Variants in GRB14 observed in about 807,000 individuals in gnomAD.
GRB14 encodes the protein growth factor receptor bound protein 14.
In GRB14, 38 loss-of-function variants were observed where a neutral mutation model predicts 69.1. The ratio of observed to expected loss-of-function variants is 0.55; its 90% CI spans 0.42 to 0.72. The LOEUF (loss-of-function observed/expected upper bound fraction) is 0.72, where lower values mean the gene tolerates loss of function less well. Among genes scored for constraint, GRB14 ranks in the 30% least tolerant of loss-of-function variants. The pLI, the probability that GRB14 is intolerant of heterozygous loss-of-function variation, is 0.00. For synonymous variants in GRB14, 247 were observed against 241.3 expected, an observed-to-expected ratio of 1.02 and a Z score of -0.22; for missense variants, 666 against 666.1, an observed-to-expected ratio of 1.00 and a Z score of 0.00.
At chr2:164,598,001 G>A (rs922653912) in intron 2 of GRB14, among the ~76,000 whole-genome samples, 1 of 151,846 alleles carries the variant, frequency 6.6e-6, no homozygotes, top group Non-Finnish European at 1.5e-5. Flanking sequence ...AAGAAGTCCT[G>A]AACCATGCTG....
At chr2:164,583,822 A>G (rs1349089102) in intron 2 of GRB14, among the ~76,000 whole-genome samples, 2 of 152,172 alleles carry the variant, frequency 1.3e-5, no homozygotes, top group African/African-American at 4.8e-5. Flanking sequence ...TTCTGACTGT[A>G]AACATTGCGG....
chr2:164,540,434 C>T (rs1255266972), intron 3 of GRB14, among the ~76,000 whole-genome samples: 4 of 152,002 alleles, frequency 2.6e-5, no homozygotes, highest in Non-Finnish European at 5.9e-5. Context: ...GATAGTGAAA[C>T]CCTGTCTCTA....
intron 3 of GRB14, among the ~76,000 whole-genome samples, chr2:164,541,554 G>A (rs1403855858): frequency 6.6e-6 from 1 of 151,624 alleles, no homozygotes; most frequent in Non-Finnish European, 1.5e-5. Flanking sequence ...ATCTGAGGCT[G>A]CAGTGAGCCA....
chr2:164,587,819 A>G (rs1470944371), intron 2 of GRB14, among the ~76,000 whole-genome samples: 1 of 152,198 alleles, frequency 6.6e-6, no homozygotes, highest in East Asian at 1.9e-4. Flanking sequence ...AGAAAAGTGC[A>G]CTGGACATAA....
chr2:164,613,504 T>C (rs1052438967), intron 2 of GRB14, among the ~76,000 whole-genome samples: 2 of 152,070 alleles, frequency 1.3e-5, no homozygotes, highest in South Asian at 2.1e-4. Flanking sequence ...GAACCACTAA[T>C]AGGTGGAAAA....
intron 3 of GRB14, among the ~76,000 whole-genome samples, chr2:164,544,598 A>C (rs555149117): frequency 6.6e-6 from 1 of 152,252 alleles, no homozygotes; most frequent in African/African-American, 2.4e-5. Context: ...TGAAGAAAAT[A>C]TATGTTGAGC....
chr2:164,541,611 T>TA (rs1177241032), intron 3 of GRB14, among the ~76,000 whole-genome samples: 1 of 151,496 alleles, frequency 6.6e-6, no homozygotes, highest in Admixed American at 6.6e-5. Context: ...ACCCTATCTC[T>TA]AAAAAAAATT....
At chr2:164,503,169 T>TAAAAAAAAAAAA (rs3086552) in intron 8 of GRB14, among the ~76,000 whole-genome samples, 1 of 126,602 alleles carries the variant, frequency 7.9e-6, no homozygotes, top group East Asian at 2.3e-4. Context: ...GCTACTTTGT[T>TAAAAAAAAAAAA]AAAAAAAAAA....
At chr2:164,554,239 T>C (rs980628045) in intron 2 of GRB14, among the ~76,000 whole-genome samples, 10 of 152,098 alleles carry the variant, frequency 6.6e-5, no homozygotes, top group Admixed American at 1.3e-4. Flanking sequence ...AATTTAAACA[T>C]TATATAATCA....
intron 3 of GRB14, among the ~76,000 whole-genome samples, chr2:164,539,133 C>T (rs1688164324): frequency 6.6e-6 from 1 of 152,052 alleles, no homozygotes; most frequent in Non-Finnish European, 1.5e-5. Flanking sequence ...AAAATACATA[C>T]TCTATGCACA....
intron 3 of GRB14, among the ~76,000 whole-genome samples, chr2:164,537,111 T>C (rs1688100228): frequency 6.6e-6 from 1 of 152,100 alleles, no homozygotes; most frequent in Admixed American, 6.6e-5. Flanking sequence ...TGCTGTCAGA[T>C]AGATGGAAAG....
At chr2:164,543,297 T>C (rs912115859) in intron 3 of GRB14, among the ~76,000 whole-genome samples, 1 of 149,420 alleles carries the variant, frequency 6.7e-6, no homozygotes, top group African/African-American at 2.5e-5. Context: ...CAAGACTCTG[T>C]CTCAGAAAAG....
chr2:164,582,714 C>T (rs189625495), intron 2 of GRB14, among the ~76,000 whole-genome samples: 1 of 152,254 alleles, frequency 6.6e-6, no homozygotes, highest in Non-Finnish European at 1.5e-5. Context: ...CCACCGCACC[C>T]GGCCTATTTT....
At chr2:164,560,664 G>A (rs190374455) in intron 2 of GRB14, among the ~76,000 whole-genome samples, 4 of 152,004 alleles carry the variant, frequency 2.6e-5, no homozygotes, top group South Asian at 4.1e-4. Context: ...TGGAGTTTTC[G>A]CTGGGATTTC....
At position 164,620,991 on chromosome 2, in the gene GRB14, T is replaced by C. The variant is rs1432069764; in HGVS notation, c.191+128A>G. The stretch of plus-strand genomic sequence containing the variant: ...CCGGTAGGAGCCAGCTCAAAGGGGA[T>C]TGTCTTCAGAGACTTTTACAAACTT... On this transcript the variant is annotated intron_variant, in intron 1 of 13. Transcript: ENST00000263915. 6.7e-6 allele frequency: 5 copies of C among 747,824 alleles called. No individual in the cohort carries two copies. In the South Asian group the frequency reaches 2.8e-4, roughly 43 times the overall value. 46.3% of individuals were successfully genotyped at this position (747,824 alleles called of 1,614,324 possible).
chr2:164,584,457 T>G (rs1689487599), intron 2 of GRB14, among the ~76,000 whole-genome samples: 1 of 152,090 alleles, frequency 6.6e-6, no homozygotes, highest in Admixed American at 6.5e-5. Flanking sequence ...AAATTATCTT[T>G]AAGTACTTTT....
intron 2 of GRB14, among the ~76,000 whole-genome samples, chr2:164,563,136 C>T (rs1042660924): frequency 4.6e-5 from 7 of 152,136 alleles, no homozygotes; most frequent in South Asian, 2.1e-4. Context: ...CCTTCCACGA[C>T]CCTCTTCTGC....
intron 3 of GRB14, among the ~76,000 whole-genome samples, chr2:164,529,883 G>T (rs549077956): frequency 1.3e-5 from 2 of 152,278 alleles, no homozygotes; most frequent in East Asian, 3.9e-4. Context: ...TTATAACTTA[G>T]TCATTTGTTC....
intron 2 of GRB14, among the ~76,000 whole-genome samples, chr2:164,596,866 TGAGTA>T (rs925526830): frequency 1.3e-4 from 20 of 152,144 alleles, no homozygotes; most frequent in African/African-American, 4.8e-4. Context: ...TGATTCTGTT[TGAGTA>T]AAGAACTATA....
Sources: gnomAD v4.1 joint callset for allele counts (sites outside exome capture counted in the v4.1 genomes callset) on GRCh38, gnomAD v4.1.1 for gene constraint, MANE v1.5 for transcripts, NCBI Gene and HGNC (gene_info 2026-07-23, HGNC 2026-07-21) for gene names.